Variants in DOCK8 observed in about 807,000 individuals in gnomAD.
DOCK8 encodes dedicator of cytokinesis protein 8.
Under a neutral mutation model 245.6 loss-of-function variants are expected in DOCK8, and 141 were observed. The observed-to-expected ratio is 0.57, with a 90% CI of 0.50 to 0.66. The LOEUF (loss-of-function observed/expected upper bound fraction) is 0.66. Ranked by LOEUF, DOCK8 falls within the 30% of genes least tolerant of loss-of-function variation. The probability of loss-of-function intolerance (pLI) is 0.00; values close to 1 mark genes in which losing one functional copy is unlikely to be tolerated. For synonymous variants in DOCK8, 1,168 were observed against 970.2 expected (o/e 1.20, Z -3.79); for missense variants, 2,965 against 2,603.4 (o/e 1.14, Z -3.02).
At chr9:275,073 T>C (rs2048290226) in intron 2 of DOCK8, among the ~76,000 whole-genome samples, 1 of 152,208 alleles carries the variant, frequency 6.6e-6, no homozygotes, top group African/African-American at 2.4e-5. Context: ...TTATTAGTCA[T>C]GTAATTTGTG....
intron 6 of DOCK8, 89 bp downstream of exon 6, chr9:312,255 C>A (rs751538601): frequency 6.8e-7 from 1 of 1,461,960 alleles, no homozygotes; most frequent in Non-Finnish European, 9.4e-7. Context: ...TACTATATAG[C>A]AGCCCATGGT....
intron 14 of DOCK8, chr9:365,574 CTT>C (rs35000707): frequency 8.4e-4 from 350 of 418,696 alleles, no homozygotes; most frequent in African/African-American, 2.0e-3. Context: ...TCAGAGAAGG[CTT>C]TTTTTTTTTT....
At chr9:399,985 CCTCCCACCACCTCCACCACCTCCACCAT>C in intron 26 of DOCK8, among the ~76,000 whole-genome samples, 1 of 133,456 alleles carries the variant, frequency 7.5e-6, no homozygotes, top group East Asian at 2.3e-4. Context: ...ACCATCACCA[CCTCCCACCACCTCCACCACCTCCACCAT>C]CACCACCACC....
rs563523854 is a variant in DOCK8, at chr9:360,113, C to G, written c.1680-7905C>G. 1.9e-4 allele frequency among the ~76,000 whole-genome samples: 29 copies of G among 151,920 alleles called. 1 individual carries two copies. Among genetic ancestry groups the G allele is most frequent in the African/African-American group, 7.0e-4 (29 of 41,442 alleles). Reference sequence around the variant, plus strand: ...GGCGGATCACTTGAGGTCAGGAGTTCGACACCAGCCTGGCCAACATGGTGA... The same window carrying G: ...GGCGGATCACTTGAGGTCAGGAGTTGGACACCAGCCTGGCCAACATGGTGA... On this transcript the variant is annotated intron_variant, in intron 14 of 47. Transcript: ENST00000432829.
intron 1 of DOCK8, among the ~76,000 whole-genome samples, chr9:239,521 G>A (rs188016745): frequency 3.3e-4 from 51 of 152,338 alleles, no homozygotes; most frequent in African/African-American, 1.2e-3. Flanking sequence ...AACCATGAAG[G>A]AGAAGAAGCA....
intron 5 of DOCK8, among the ~76,000 whole-genome samples, chr9:307,359 T>TG (rs2049891619): frequency 1.9e-5 from 1 of 52,734 alleles, no homozygotes; most frequent in African/African-American, 5.0e-5. Context: ...TTTTTTTTTT[T>TG]TTTTTTTTTT....
rs1027586315 is a variant in DOCK8, at chr9:382,655, C to T, written c.2748C>T (p.Asp916=). The part of the protein sequence containing the change: ...PDLAGTHSAA[D]EEVKNIMSSK... ...TCGCGGGGACACACTCCGCAGCAGA[C>T]GAGGAAGTGAAGAACATCATGTCTT... The change falls in exon 22 of 48, where the codon GAC becomes GAT. Residue 916 remains aspartate, a synonymous_variant. Transcript: ENST00000432829. 10 of 1,614,108 alleles carry T rather than the reference C, an allele frequency of 6.2e-6. No individual in the cohort carries two copies. The highest frequency in any genetic ancestry group is 1.7e-5 in the Admixed American group (1 of 60,010).
intron 24 of DOCK8, among the ~76,000 whole-genome samples, chr9:395,661 C>G (rs969755232): frequency 6.6e-5 from 10 of 151,818 alleles, no homozygotes; most frequent in African/African-American, 2.4e-4. Flanking sequence ...TCCCCATGTT[C>G]CTAATAGTGT....
chr9:282,418 T>TG (rs1563871728), intron 2 of DOCK8, among the ~76,000 whole-genome samples: 2 of 150,852 alleles, frequency 1.3e-5, no homozygotes, highest in African/African-American at 4.9e-5. Context: ...GTTTTGTTTT[T>TG]TTTTTTTTTT....
intron 29 of DOCK8, among the ~76,000 whole-genome samples, chr9:416,059 A>T (rs961613040): frequency 5.9e-5 from 9 of 152,220 alleles, no homozygotes; most frequent in African/African-American, 9.6e-5. Flanking sequence ...CTTGAAAAAA[A>T]TCCTCTAGCA....
intron 25 of DOCK8, 121 bp from the exon 26 acceptor site, chr9:399,025 C>A: frequency 1.1e-6 from 1 of 875,812 alleles, no homozygotes; most frequent in Non-Finnish European, 1.9e-6. Context: ...CGCCCAGTGC[C>A]ACCCAGAAGG....
At chr9:458,593 T>A (rs1278735382) in intron 46 of DOCK8, among the ~76,000 whole-genome samples, 2 of 152,128 alleles carry the variant, frequency 1.3e-5, no homozygotes, top group African/African-American at 4.8e-5. Flanking sequence ...GCGGATCACT[T>A]GAGCTCACAA....
intron 37 of DOCK8, among the ~76,000 whole-genome samples, chr9:432,895 C>A (rs762923554): frequency 6.6e-6 from 1 of 152,204 alleles, no homozygotes; most frequent in Non-Finnish European, 1.5e-5. Context: ...ACAGTCATCT[C>A]TTCCATGTCC....
chr9:343,601 A>G (rs1331832135), intron 14 of DOCK8, among the ~76,000 whole-genome samples: 1 of 152,180 alleles, frequency 6.6e-6, no homozygotes, highest in East Asian at 1.9e-4. Flanking sequence ...TTATTTCCCC[A>G]TTTAATCCTT....
At chr9:451,893 GCA>G (rs1564084982) in intron 45 of DOCK8, 116 bp from the exon 46 acceptor site, 3 of 41,478 alleles carry the variant, frequency 7.2e-5, no homozygotes, top group Non-Finnish European at 2.0e-4. Flanking sequence ...ACATATATAT[GCA>G]TATACATATA....
At chr9:406,076 G>A (rs1395838993) in intron 27 of DOCK8, among the ~76,000 whole-genome samples, 1 of 152,172 alleles carries the variant, frequency 6.6e-6, no homozygotes, top group Non-Finnish European at 1.5e-5. Flanking sequence ...TATAAAGTGT[G>A]CTCCCAGGAT....
chr9:289,537 C>G lies in DOCK8; in HGVS notation c.360C>G (p.Asp120Glu), dbSNP rs1412696464. The G allele has an allele frequency of 6.2e-6, 10 of 1,613,480 alleles. No homozygotes were observed. Among genetic ancestry groups the G allele is most frequent in the African/African-American group, 1.3e-5 (1 of 74,878 alleles). Reference sequence around the variant, plus strand: ...TTGAACTGGACCCTCATGTCAGGGACTGTGTTCAGACCTACATCCGTGAGT... The same window carrying G: ...TTGAACTGGACCCTCATGTCAGGGAGTGTGTTCAGACCTACATCCGTGAGT... ...EGVELDPHVR[D>E]CVQTYIREWL... Residue 120 changes from aspartate to glutamate, a missense_variant, in exon 4 of 48, where the codon GAC becomes GAG. By Grantham distance (45) the Asp-to-Glu change is conservative. Transcript: ENST00000432829.
intron 1 of DOCK8, among the ~76,000 whole-genome samples, chr9:266,403 T>A (rs945953922): frequency 2.1e-5 from 3 of 143,300 alleles, no homozygotes; most frequent in African/African-American, 7.7e-5. Flanking sequence ...GAACCAACCA[T>A]TCCTTCACAG....
At chr9:231,050 C>A (rs2047104823) in intron 1 of DOCK8, among the ~76,000 whole-genome samples, 1 of 152,136 alleles carries the variant, frequency 6.6e-6, no homozygotes, top group Admixed American at 6.5e-5. Flanking sequence ...ACATTTAAGT[C>A]TTTAATCCAT....
Sources: gnomAD v4.1 joint callset for allele counts (sites outside exome capture counted in the v4.1 genomes callset) on GRCh38, gnomAD v4.1.1 for gene constraint, MANE v1.5 for transcripts, NCBI Gene and HGNC (gene_info 2026-07-23, HGNC 2026-07-21) for gene names.